Variants in GOT1 observed in about 807,000 individuals in gnomAD.
The protein encoded by GOT1 is glutamic-oxaloacetic transaminase 1, also known as aspartate aminotransferase, cytoplasmic.
A neutral mutation model predicts 48.2 loss-of-function variants in GOT1; 25 were observed. The ratio of observed to expected loss-of-function variants is 0.52; its 90% confidence interval spans 0.38 to 0.72. GOT1 has a LOEUF of 0.72. GOT1 is among the 30% of genes least tolerant of loss of function. GOT1 has a pLI of 0.00. For synonymous variants in GOT1, 188 were observed against 193.8 expected (o/e 0.97, Z 0.25); for missense variants, 380 against 520.1 (o/e 0.73, Z 2.62).
chr10:99,415,010 C>G lies in GOT1; in HGVS notation c.300+5614G>C, dbSNP rs559548147. On this transcript the variant is annotated intron_variant, in intron 2 of 8. Transcript: ENST00000370508. ...AGCAGGAAAGATCTAAAATTCACAC[C>G]CTAACATCACAATTAAAAGAACTAG... Among the ~76,000 whole-genome samples, 4 of 151,392 alleles carry G rather than the reference C, an allele frequency of 2.6e-5. No individual in the cohort carries two copies. In the Admixed American group the frequency reaches 2.6e-4, roughly 10 times the overall value.
chr10:99,407,680 C>G (rs2032778946), intron 2 of GOT1, among the ~76,000 whole-genome samples: 1 of 152,090 alleles, frequency 6.6e-6, no homozygotes, highest in South Asian at 2.1e-4. Context: ...GATCTGCCTG[C>G]CTTGGCCTCT....
At chr10:99,423,022 G>A (rs897005025) in intron 1 of GOT1, among the ~76,000 whole-genome samples, 1 of 152,134 alleles carries the variant, frequency 6.6e-6, no homozygotes, top group Admixed American at 6.5e-5. Context: ...CAAAAGAGTG[G>A]GCTAAGAAGT....
intron 1 of GOT1, among the ~76,000 whole-genome samples, chr10:99,427,720 C>A (rs149082860): frequency 6.6e-6 from 1 of 152,268 alleles, no homozygotes; most frequent in African/African-American, 2.4e-5. Flanking sequence ...TGGCTCTTCC[C>A]ACTACAGTGT....
intron 1 of GOT1, among the ~76,000 whole-genome samples, chr10:99,422,447 T>C (rs1452045281): frequency 6.6e-6 from 1 of 152,228 alleles, no homozygotes; most frequent in African/African-American, 2.4e-5. Flanking sequence ...GTGTACAACC[T>C]TCTAAGCTTT....
intron 2 of GOT1, among the ~76,000 whole-genome samples, chr10:99,411,541 C>T (rs2032828124): frequency 6.6e-6 from 1 of 152,232 alleles, no homozygotes; most frequent in Non-Finnish European, 1.5e-5. Context: ...CATAACCACC[C>T]TAGTTAAAAC....
At chr10:99,429,350 CTTT>C (rs71488890) in intron 1 of GOT1, among the ~76,000 whole-genome samples, 6 of 140,822 alleles carry the variant, frequency 4.3e-5, no homozygotes, top group Admixed American at 7.1e-5. Flanking sequence ...GCCCGGCCGA[CTTT>C]TTTTTTTTTT....
intron 2 of GOT1, among the ~76,000 whole-genome samples, chr10:99,413,516 G>T (rs971304529): frequency 9.2e-5 from 14 of 152,178 alleles, no homozygotes; most frequent in African/African-American, 3.4e-4. Flanking sequence ...AAAACACTCT[G>T]CAGGATATTA....
intron 2 of GOT1, among the ~76,000 whole-genome samples, chr10:99,416,846 C>T (rs372299498): frequency 1.3e-5 from 2 of 152,182 alleles, no homozygotes; most frequent in South Asian, 2.1e-4. Flanking sequence ...CCCTATTTAA[C>T]AAATGGTGCT....
Position 99,406,195 on chromosome 10 carries a change from C to T in GOT1, c.479G>A (p.Arg160His), listed in dbSNP as rs146049867. The T allele has an allele frequency of 7.2e-4, 1,157 of 1,613,986 alleles. 2 individuals are homozygous for T. Among genetic ancestry groups the T allele is most frequent in the Middle Eastern group, 8.2e-4 (5 of 6,062 alleles). ...TCCTCTCTTCTCTGCATCCCAGTAG[C>T]GATAGGACCGAATGTCTTTAAAACC... is the stretch of plus-strand genomic sequence containing the variant. ...AAGFKDIRSY[R>H]YWDAEKRGLD... Residue 160 changes from arginine to histidine, a missense_variant, in exon 4 of 9, where the codon CGC becomes CAC. Transcript: ENST00000370508.
intron 1 of GOT1, among the ~76,000 whole-genome samples, chr10:99,424,130 T>C (rs770972669): frequency 8.5e-5 from 13 of 152,226 alleles, no homozygotes; most frequent in Non-Finnish European, 1.3e-4. Flanking sequence ...ATATCTATGA[T>C]CACAACGTTA....
intron 4 of GOT1, 98 bp downstream of exon 4, chr10:99,406,039 A>C (rs1055516106): frequency 2.4e-6 from 2 of 840,200 alleles, no homozygotes; most frequent in African/African-American, 1.7e-5. Flanking sequence ...GGTATGGGGA[A>C]GGTGTCTCAG....
intron 1 of GOT1, among the ~76,000 whole-genome samples, chr10:99,421,725 T>C (rs1407728016): frequency 6.6e-6 from 1 of 152,228 alleles, no homozygotes; most frequent in Non-Finnish European, 1.5e-5. Context: ...GTAGGATTCC[T>C]GGCAGGGGTC....
At chr10:99,413,630 C>A (rs1286136511) in intron 2 of GOT1, among the ~76,000 whole-genome samples, 1 of 152,112 alleles carries the variant, frequency 6.6e-6, no homozygotes, top group Non-Finnish European at 1.5e-5. Context: ...CTCCAAGACA[C>A]ATAATTGTCA....
Position 99,397,742 on chromosome 10 carries a change from G to A in GOT1, c.1103-56C>T. The A allele has an allele frequency of 6.5e-7, 1 of 1,529,800 alleles. No homozygotes were observed. Among genetic ancestry groups the A allele is most frequent in the Non-Finnish European group, 9.0e-7 (1 of 1,105,716 alleles). The allele number at this position is 1,529,800 out of a possible 1,614,324, so 94.8% of individuals were successfully genotyped here. On this transcript the variant is annotated intron_variant, in intron 8 of 8. Coordinates refer to ENST00000370508, the MANE Select transcript of GOT1 (RefSeq NM_002079.3). This position sits in a 1 kb window ranked among gnomAD's most constrained non-coding sequence, Gnocchi z 5.4. Reference sequence around the variant, plus strand: ...AGCAGAGGGGATCCTTAAAGCAGTGGAGGCTCAGCAATTATATGACAATTA... The same window carrying A: ...AGCAGAGGGGATCCTTAAAGCAGTGAAGGCTCAGCAATTATATGACAATTA...
Position 99,428,019 on chromosome 10 carries a change from G to A in GOT1, c.118+2429C>T, listed in dbSNP as rs561698358. On this transcript the variant is annotated intron_variant, in intron 1 of 8. Coordinates refer to ENST00000370508, the MANE Select transcript of GOT1 (RefSeq NM_002079.3). ...AGGCACCTTCACAGCTGAGGTGGCC[G>A]TCTGAGTCAATGACTCCAATTCTGA... Among the ~76,000 whole-genome samples, 5 of 152,340 alleles carry A rather than the reference G, an allele frequency of 3.3e-5. No homozygotes were observed. The South Asian group carries it at 1.0e-3, about 32-fold the overall frequency.
At chr10:99,411,967 C>T (rs1369134147) in intron 2 of GOT1, among the ~76,000 whole-genome samples, 3 of 152,210 alleles carry the variant, frequency 2.0e-5, no homozygotes, top group African/African-American at 7.2e-5. Context: ...TATTCCCAAG[C>T]TGTGAACAAA....
intron 8 of GOT1, among the ~76,000 whole-genome samples, chr10:99,402,342 C>T (rs756402183): frequency 6.6e-6 from 1 of 152,236 alleles, no homozygotes; most frequent in Non-Finnish European, 1.5e-5. Context: ...TCCCAGCCCA[C>T]AAACACGGAA....
chr10:99,396,942 T>G lies in GOT1; in HGVS notation c.*605A>C, dbSNP rs1331538898. ...ATAGAATGGCTCAAAAATATCAGAA[T>G]GCACTACGCACATCACGAGTAAATA... On this transcript the variant is annotated 3_prime_UTR_variant, in exon 9 of 9. Coordinates refer to ENST00000370508, the MANE Select transcript of GOT1 (RefSeq NM_002079.3). The G allele has an allele frequency of 6.6e-6, 1 of 152,358 alleles. No individual in the cohort carries two copies. Among genetic ancestry groups the G allele is most frequent in the African/African-American group, 2.4e-5 (1 of 41,472 alleles). 9.4% of individuals were successfully genotyped at this position (152,358 alleles called of 1,614,324 possible).
At chr10:99,426,121 T>A (rs899073717) in intron 1 of GOT1, among the ~76,000 whole-genome samples, 15 of 151,996 alleles carry the variant, frequency 9.9e-5, no homozygotes, top group Non-Finnish European at 2.9e-5. Context: ...AGTTCATGGA[T>A]CCATGTGCTT....
Sources: allele counts gnomAD v4.1 joint callset (sites outside exome capture counted in the v4.1 genomes callset), GRCh38; gene constraint gnomAD v4.1.1; non-coding constraint Gnocchi (gnomAD v3.1); transcripts MANE v1.5; gene names NCBI Gene and HGNC (gene_info 2026-07-23, HGNC 2026-07-21).